Variants in ZNF207 observed in about 807,000 individuals in gnomAD.
The protein encoded by ZNF207 is zinc finger protein 207.
ZNF207 carries 24 observed loss-of-function variants against 60.2 expected under a neutral mutation model. That is an observed-to-expected ratio of 0.40 (90% confidence interval 0.29 to 0.56). The LOEUF (loss-of-function observed/expected upper bound fraction) is 0.56. Among genes scored for constraint, ZNF207 ranks in the 20% least tolerant of loss-of-function variants. The probability of loss-of-function intolerance (pLI) is 0.49; values close to 1 mark genes in which losing one functional copy is unlikely to be tolerated. For synonymous variants in ZNF207, 236 were observed against 194.7 expected, an observed-to-expected ratio of 1.21 and a Z score of -1.77; for missense variants, 452 against 636.6, an observed-to-expected ratio of 0.71 and a Z score of 3.12.
At chr17:32,353,506 A>T (rs1352848369) in intron 2 of ZNF207, among the ~76,000 whole-genome samples, 3 of 151,428 alleles carry the variant, frequency 2.0e-5, no homozygotes, top group Non-Finnish European at 4.4e-5. Context: ...TGTTGACCAG[A>T]TGTGGTGGCT....
chr17:32,354,762 T>C (rs1904407463), intron 2 of ZNF207, among the ~76,000 whole-genome samples: 1 of 152,008 alleles, frequency 6.6e-6, no homozygotes, highest in Admixed American at 6.6e-5. Flanking sequence ...TACAGACGCC[T>C]GCCATTGTGC....
intron 9 of ZNF207, among the ~76,000 whole-genome samples, chr17:32,367,104 AG>A (rs1263146339): frequency 1.3e-5 from 2 of 151,556 alleles, no homozygotes; most frequent in Non-Finnish European, 1.5e-5. Flanking sequence ...AAGTTGGCCT[AG>A]TCTACATGTT....
intron 5 of ZNF207, 24 bp downstream of exon 5, chr17:32,360,991 C>G: frequency 1.2e-6 from 2 of 1,607,792 alleles, no homozygotes; most frequent in Non-Finnish European, 8.5e-7. Context: ...TTTAATTGCC[C>G]TGTAGGCTTG....
chr17:32,351,716 T>G, intron 1 of ZNF207, 70 bp from the exon 2 acceptor site: 5 of 1,611,556 alleles, frequency 3.1e-6, no homozygotes, highest in Non-Finnish European at 4.2e-6. Context: ...TATTGTAATG[T>G]TATCCATATG....
In ZNF207 at chr17:32,367,893, C is replaced by G. The variant is rs1905276318; in HGVS notation, c.1043C>G (p.Thr348Arg). 1 of 1,614,072 alleles carries G rather than the reference C, an allele frequency of 6.2e-7. No individual in the cohort carries two copies. Among genetic ancestry groups the G allele is most frequent in the African/African-American group, 1.3e-5 (1 of 74,934 alleles). ...GCTTATACACAGTCTACAGCTTCAA[C>G]AACTAGTACAACAAATAGTACTGCA... ...FPAYTQSTAS[T>R]TSTTNSTAAK... Residue 348 changes from threonine (T) to arginine (R), a missense_variant, in exon 10 of 12, where the codon ACA (threonine) becomes AGA (arginine). Around this residue, in one of 2 missense-constraint regions of ZNF207, gnomAD observed 390 missense variants for 461.4 expected, o/e 0.85. Coordinates refer to ENST00000394670, the MANE Select transcript of ZNF207 (RefSeq NM_001098507.2).
chr17:32,361,069 C>A, intron 5 of ZNF207, 102 bp downstream of exon 5: 1 of 1,268,336 alleles, frequency 7.9e-7, no homozygotes, highest in South Asian at 1.3e-5. Flanking sequence ...TTTTTTGCTT[C>A]TAGAAGGTAT....
intron 10 of ZNF207, chr17:32,368,220 C>A (rs1473771253): frequency 2.7e-5 from 18 of 654,968 alleles, no homozygotes; most frequent in Non-Finnish European, 4.0e-5. Flanking sequence ...TAGATGGTTT[C>A]TCTCCCCTTC....
chr17:32,367,282 T>TAAAA (rs1555608395), intron 9 of ZNF207, among the ~76,000 whole-genome samples: 2 of 82,862 alleles, frequency 2.4e-5, no homozygotes, highest in African/African-American at 1.2e-4. Flanking sequence ...TATATATATA[T>TAAAA]ATAAAGAATA....
intron 10 of ZNF207, 173 bp from the exon 11 acceptor site, chr17:32,369,122 G>T: frequency 1.7e-6 from 1 of 597,694 alleles, no homozygotes; most frequent in Non-Finnish European, 2.8e-6. Context: ...AAGTTTTAAG[G>T]TATCTAGAGT....
In ZNF207 at chr17:32,369,979, T is replaced by G. The variant is rs978500772; in HGVS notation, c.*220T>G. ...AAGTTGCAATTTATACTGTATGGCTTCTTTTTCATGTTTCATCTAGGTTTT... is the reference window on the plus strand; with the variant it reads ...AAGTTGCAATTTATACTGTATGGCTGCTTTTTCATGTTTCATCTAGGTTTT... On this transcript the variant is annotated 3_prime_UTR_variant, in exon 12 of 12. Transcript: ENST00000394670. 4.7e-6 allele frequency: 2 copies of G among 424,052 alleles called. No individual in the cohort carries two copies. The highest frequency in any genetic ancestry group is 4.1e-5 in the African/African-American group (2 of 48,924). The allele number at this position is 424,052 out of a possible 1,614,324, so 26.3% of individuals were successfully genotyped here.
chr17:32,376,031 C>G lies in ZNF207; in HGVS notation c.*6272C>G, dbSNP rs907182700. The G allele has an allele frequency of 3.0e-4, 45 of 151,986 alleles. No homozygotes were observed. The highest frequency in any genetic ancestry group is 1.1e-3 in the African/African-American group (45 of 41,400). The allele number at this position is 151,986 out of a possible 1,614,324, so 9.4% of individuals were successfully genotyped here. ...TTTTTATAGCAAAGAAATCATCTGA[C>G]TTTTCTGTGTGATGTTTCTTGGCAA... On this transcript the variant is annotated 3_prime_UTR_variant, in exon 12 of 12. Transcript: ENST00000394670.
At chr17:32,353,684 G>A (rs1904325549) in intron 2 of ZNF207, among the ~76,000 whole-genome samples, 1 of 146,000 alleles carries the variant, frequency 6.8e-6, no homozygotes, top group South Asian at 2.2e-4. Flanking sequence ...GGCGGGGGGA[G>A]GGCTGGGGGC....
chr17:32,368,446 A>G (rs1010442186), intron 10 of ZNF207: 1 of 174,680 alleles, frequency 5.7e-6, no homozygotes, highest in African/African-American at 2.4e-5. Flanking sequence ...TCACGCCTAT[A>G]ATTCCAGCAC....
rs1055107151 is a variant in ZNF207, at chr17:32,379,250, C to T, written c.*9491C>T. Reference sequence around the variant, plus strand: ...ATACTTTTATATATTATAATTTTATCTTCTAAAATTAACTGAAATAGGACA... The same window carrying T: ...ATACTTTTATATATTATAATTTTATTTTCTAAAATTAACTGAAATAGGACA... On this transcript the variant is annotated 3_prime_UTR_variant, in exon 12 of 12. Transcript: ENST00000394670. 3 of 151,886 alleles carry T rather than the reference C, an allele frequency of 2.0e-5. No homozygotes were observed. The highest frequency in any genetic ancestry group is 4.4e-5 in the Non-Finnish European group (3 of 67,900). 9.4% of individuals were successfully genotyped at this position (151,886 alleles called of 1,614,324 possible). A position where few individuals can be genotyped will look rare whatever the true frequency, so the allele number is the denominator to read the frequency against.
At chr17:32,357,317 TA>T (rs1567815428) in intron 2 of ZNF207, among the ~76,000 whole-genome samples, 104 of 69,752 alleles carry the variant, frequency 1.5e-3, no homozygotes, top group African/African-American at 8.6e-3. Flanking sequence ...TTCTAATTAT[TA>T]TTATTATTAT....
intron 4 of ZNF207, 42 bp from the exon 5 acceptor site, chr17:32,360,850 T>G (rs377083088): frequency 1.2e-6 from 2 of 1,612,986 alleles, no homozygotes; most frequent in African/African-American, 2.7e-5. Context: ...CCTCTAACTC[T>G]TTAATATTTG....
chr17:32,352,938 A>G (rs2150786652), intron 2 of ZNF207, among the ~76,000 whole-genome samples: 1 of 152,338 alleles, frequency 6.6e-6, no homozygotes, highest in East Asian at 1.9e-4. Flanking sequence ...GCGCTTTGGG[A>G]GGCCAAGGTG....
intron 2 of ZNF207, among the ~76,000 whole-genome samples, chr17:32,352,500 A>G (rs1444021127): frequency 6.6e-6 from 1 of 152,200 alleles, no homozygotes; most frequent in East Asian, 1.9e-4. Context: ...GAAATCACTA[A>G]ATATTTCCTG....
rs979141914 is a variant in ZNF207 at position 32,373,529 on chromosome 17, T to TG, written c.*3771dup. On this transcript the variant is annotated 3_prime_UTR_variant, in exon 12 of 12. Transcript: ENST00000394670. ...TGTTGGATATTTATGTCCCCAAACT[T>TG]GCAGCAAGTTTGGTGAAGGCCCCTA... 2 of 469,312 alleles carry TG rather than the reference T, an allele frequency of 4.3e-6. No homozygotes were observed. The highest frequency in any genetic ancestry group is 3.8e-6 in the Non-Finnish European group (1 of 260,946). 29.1% of individuals were successfully genotyped at this position (469,312 alleles called of 1,614,324 possible).
Sources: gnomAD v4.1 joint callset for allele counts (sites outside exome capture counted in the v4.1 genomes callset) on GRCh38, gnomAD v4.1.1 for gene constraint, gnomAD v4.1.1 regional missense constraint, MANE v1.5 for transcripts, NCBI Gene and HGNC (gene_info 2026-07-23, HGNC 2026-07-21) for gene names.